Variants in AJAP1 observed in about 807,000 individuals in gnomAD.
AJAP1 encodes the protein adherens junctions associated protein 1, also known as adherens junction-associated protein 1.
In AJAP1, 5 loss-of-function variants were observed where a neutral mutation model predicts 35.0. The observed-to-expected ratio is 0.14, with a 90% CI of 0.07 to 0.30. The LOEUF (loss-of-function observed/expected upper bound fraction) is 0.30. Among genes scored for constraint, AJAP1 ranks in the 10% least tolerant of loss-of-function variants. The pLI is 1.00. For missense variants in AJAP1, 586 were observed against 571.0 expected (o/e 1.03, Z -0.27); for synonymous variants, 284 against 249.3 (o/e 1.14, Z -1.31).
intron 2 of AJAP1, among the ~76,000 whole-genome samples, chr1:4,732,828 A>G (rs758021659): frequency 3.3e-5 from 5 of 152,222 alleles, no homozygotes; most frequent in African/African-American, 4.8e-5. Flanking sequence ...GAGAAGGCTT[A>G]GTAAGTTACA....
At chr1:4,710,425 A>C (rs916888931) in intron 1 of AJAP1, among the ~76,000 whole-genome samples, 1 of 151,390 alleles carries the variant, frequency 6.6e-6, no homozygotes, top group African/African-American at 2.4e-5. Flanking sequence ...ACACAGCTTG[A>C]CCCACACGCA....
chr1:4,726,325 G>T (rs558212844), intron 2 of AJAP1, among the ~76,000 whole-genome samples: 1 of 152,282 alleles, frequency 6.6e-6, no homozygotes, highest in South Asian at 2.1e-4. Context: ...AGTGGCCAGG[G>T]TTTATGTGCA....
chr1:4,751,945 C>T (rs961265156), intron 2 of AJAP1, among the ~76,000 whole-genome samples: 4 of 152,112 alleles, frequency 2.6e-5, no homozygotes, highest in South Asian at 2.1e-4. Context: ...CCTGCCCACA[C>T]CCCACAGCCT....
chr1:4,688,675 G>T (rs751771179), intron 1 of AJAP1, among the ~76,000 whole-genome samples: 1 of 150,466 alleles, frequency 6.6e-6, no homozygotes, highest in Non-Finnish European at 1.5e-5. Context: ...AGGAGGTTGA[G>T]ACAGGAGAAT....
intron 2 of AJAP1, among the ~76,000 whole-genome samples, chr1:4,728,457 C>G (rs1469724204): frequency 6.6e-6 from 1 of 152,202 alleles, no homozygotes; most frequent in Non-Finnish European, 1.5e-5. Flanking sequence ...CCACCCAGCC[C>G]CGGGTTTGGG....
chr1:4,775,712 A>G lies in AJAP1; in HGVS notation c.*59+1154A>G, dbSNP rs1484263112. On this transcript the variant is annotated intron_variant, in intron 5 of 5. Transcript: ENST00000378191. Reference sequence around the variant, plus strand: ...ACCCCGAAGCCAACATGTTCTGCCAACTGGCAAAGAAACGTAATTAGATTA... The same window carrying G: ...ACCCCGAAGCCAACATGTTCTGCCAGCTGGCAAAGAAACGTAATTAGATTA... Among the ~76,000 whole-genome samples, 3 of 152,240 alleles carry G rather than the reference A, an allele frequency of 2.0e-5. 1 individual carries two copies. The highest frequency in any genetic ancestry group is 2.9e-5 in the Non-Finnish European group (2 of 68,044).
At chr1:4,753,602 C>T (rs1641365787) in intron 2 of AJAP1, among the ~76,000 whole-genome samples, 1 of 152,178 alleles carries the variant, frequency 6.6e-6, no homozygotes, top group African/African-American at 2.4e-5. Flanking sequence ...GATGGAGTTT[C>T]GTTCTTGTCA....
intron 5 of AJAP1, among the ~76,000 whole-genome samples, chr1:4,778,571 A>ATCTCTCTCTCTCTCTCTCTCTC (rs141390632): frequency 1.2e-4 from 17 of 142,894 alleles, no homozygotes; most frequent in African/African-American, 4.5e-4. Flanking sequence ...GATTGGCGCC[A>ATCTCTCTCTCTCTCTCTCTCTC]TCTCTCTCTC....
intron 2 of AJAP1, among the ~76,000 whole-genome samples, chr1:4,724,920 C>T (rs1057046330): frequency 1.3e-5 from 2 of 152,152 alleles, no homozygotes; most frequent in South Asian, 4.1e-4. Flanking sequence ...GAGGGAGGTA[C>T]AGTTCTCCAC....
chr1:4,706,524 G>A (rs943373355), intron 1 of AJAP1, among the ~76,000 whole-genome samples: 1 of 152,184 alleles, frequency 6.6e-6, no homozygotes, highest in South Asian at 2.1e-4. Context: ...TTCGTGGAAC[G>A]GCTGGGGTGG....
At chr1:4,747,847 G>C (rs1641225512) in intron 2 of AJAP1, among the ~76,000 whole-genome samples, 1 of 151,996 alleles carries the variant, frequency 6.6e-6, no homozygotes, top group Non-Finnish European at 1.5e-5. Flanking sequence ...AATGTGCCGG[G>C]CGTGGTGGCA....
At chr1:4,664,704 TACTTGGAGCATCTGAATG>T (rs1639078387) in intron 1 of AJAP1, among the ~76,000 whole-genome samples, 1 of 152,108 alleles carries the variant, frequency 6.6e-6, no homozygotes, top group Non-Finnish European at 1.5e-5. Flanking sequence ...CATTTGCTTC[TACTTGGAGCATCTGAATG>T]ACTCAATGAC....
chr1:4,662,152 G>C (rs1325782075), intron 1 of AJAP1, among the ~76,000 whole-genome samples: 2 of 152,058 alleles, frequency 1.3e-5, no homozygotes, highest in Non-Finnish European at 2.9e-5. Flanking sequence ...TTGATTTTTA[G>C]GAAATTGGCC....
At chr1:4,739,462 C>T (rs1365761073) in intron 2 of AJAP1, among the ~76,000 whole-genome samples, 1 of 152,190 alleles carries the variant, frequency 6.6e-6, no homozygotes, top group East Asian at 1.9e-4. Flanking sequence ...CTCCAGGTCT[C>T]CTTGCCACCT....
chr1:4,759,487 G>T (rs950937367), intron 2 of AJAP1, among the ~76,000 whole-genome samples: 3 of 152,204 alleles, frequency 2.0e-5, no homozygotes, highest in Non-Finnish European at 4.4e-5. Flanking sequence ...TGCATTGGGT[G>T]TGCCCAGCCC....
rs56388001 is a variant in AJAP1 at position 4,723,788 on chromosome 1, A to AT, written c.829+11100dup. Among the ~76,000 whole-genome samples the AT allele has an allele frequency of 1.6e-3, 239 of 147,260 alleles. No homozygotes were observed. The highest frequency in any genetic ancestry group is 1.6e-3 in the Admixed American group (24 of 14,776). On this transcript the variant is annotated intron_variant, in intron 2 of 5. Transcript: ENST00000378191. The surrounding 1 kb of genome is among the most constrained non-coding windows in gnomAD (Gnocchi z 4.3). ...ATTTTGGTTGTTCTGTTTCGTTTTG[A>AT]TTTTTTTTTTTATCGTGGGAGTATT... is the stretch of plus-strand genomic sequence containing the variant.
intron 1 of AJAP1, among the ~76,000 whole-genome samples, chr1:4,697,878 C>A (rs1384055683): frequency 6.6e-6 from 1 of 152,226 alleles, no homozygotes; most frequent in East Asian, 1.9e-4. Context: ...CTCAGGGCAG[C>A]GTTCCAGTGG....
chr1:4,705,395 C>CA (rs1640079441), intron 1 of AJAP1, among the ~76,000 whole-genome samples: 1 of 23,766 alleles, frequency 4.2e-5, no homozygotes, highest in Admixed American at 8.4e-4. Flanking sequence ...TTTTGAAGAG[C>CA]TTTTTTTTTT....
chr1:4,707,601 T>C (rs1640127277), intron 1 of AJAP1, among the ~76,000 whole-genome samples: 1 of 152,166 alleles, frequency 6.6e-6, no homozygotes, highest in Admixed American at 6.5e-5. Flanking sequence ...CTGCCTTCCT[T>C]TTAAAGGCTG....
Sources: gnomAD v4.1 joint callset for allele counts (sites outside exome capture counted in the v4.1 genomes callset) on GRCh38, gnomAD v4.1.1 for gene constraint, Gnocchi (gnomAD v3.1) non-coding constraint, MANE v1.5 for transcripts, NCBI Gene and HGNC (gene_info 2026-07-23, HGNC 2026-07-21) for gene names.